Variants in REPS1 observed in about 807,000 individuals in gnomAD.
The protein encoded by REPS1 is RALBP1 associated Eps domain containing 1.
In REPS1, 39 loss-of-function variants were observed where a neutral mutation model predicts 100.9. The observed-to-expected ratio is 0.39, with a 90% CI of 0.30 to 0.50. The LOEUF is 0.50. REPS1 is among the 20% of genes least tolerant of loss of function. The probability of loss-of-function intolerance (pLI) is 0.86; values close to 1 mark genes in which losing one functional copy is unlikely to be tolerated. For missense variants in REPS1, 821 were observed against 968.5 expected, an observed-to-expected ratio of 0.85 and a Z score of 2.02; for synonymous variants, 324 against 340.3, an observed-to-expected ratio of 0.95 and a Z score of 0.53.
At position 138,945,288 on chromosome 6, in the gene REPS1, C is replaced by T. The variant is rs774099745; in HGVS notation, c.559G>A (p.Gly187Ser). 2.9e-5 allele frequency: 46 copies of T among 1,611,604 alleles called. No homozygotes were observed. Among genetic ancestry groups the T allele is most frequent in the Admixed American group, 6.7e-5 (4 of 59,884 alleles). The change falls in exon 4 of 20, where the codon GGT (glycine) becomes AGT (serine). Residue 187 changes from glycine (G) to serine (S), a missense_variant. Around this residue, in one of 3 missense-constraint regions of REPS1, gnomAD observed 757 missense variants for 866.4 expected, o/e 0.87. Transcript: ENST00000450536. ...GCGAGAGGCCTCTCACTATTCCCAC[C>T]GCTGGGATGACGGCTGTGCTTCCTC... ...TWRKHSRHPS[G>S]GNSERPLAGP...
chr6:138,906,948 G>T (rs1779691856), intron 19 of REPS1, among the ~76,000 whole-genome samples: 1 of 152,162 alleles, frequency 6.6e-6, no homozygotes, highest in African/African-American at 2.4e-5. Flanking sequence ...GAAGGAGTAA[G>T]TAAGAGTAAT....
chr6:138,946,301 C>A (rs1234201321), intron 2 of REPS1, among the ~76,000 whole-genome samples: 2 of 152,180 alleles, frequency 1.3e-5, no homozygotes, highest in South Asian at 2.1e-4. Context: ...CCACTGTAGT[C>A]TGGCTTATGT....
At chr6:138,929,306 T>C (rs1476186160) in intron 9 of REPS1, 2 of 152,234 alleles carry the variant, frequency 1.3e-5, no homozygotes, top group East Asian at 1.9e-4. Flanking sequence ...CCTCAGGTCC[T>C]CTTCCCTTAT....
intron 1 of REPS1, among the ~76,000 whole-genome samples, chr6:138,969,269 ATTTTTTTTTTTTTTTTTTTTTTT>A (rs71013004): frequency 3.2e-4 from 24 of 74,250 alleles, no homozygotes; most frequent in African/African-American, 1.1e-3. Context: ...CAAAGCTGTA[ATTTTTTTTTTTTTTTTTTTTTTT>A]TTTTTGAGAT....
At position 138,974,769 on chromosome 6, in the gene REPS1, C is replaced by G. The variant is rs577499584; in HGVS notation, c.153+12761G>C. Among the ~76,000 whole-genome samples the G allele has an allele frequency of 2.0e-5, 3 of 152,122 alleles. No homozygotes were observed. In the South Asian group the frequency reaches 6.2e-4, roughly 32 times the overall value. ...ATTTCAAATATACAGACTTTAAGGC[C>G]GGACATGGTGGTTCACGCCTGTAAT... On this transcript the variant is annotated intron_variant, in intron 1 of 19. Transcript: ENST00000450536.
intron 1 of REPS1, among the ~76,000 whole-genome samples, chr6:138,973,567 C>A (rs1191325196): frequency 8.5e-6 from 1 of 118,006 alleles, no homozygotes; most frequent in Admixed American, 7.7e-5. Flanking sequence ...AATACACAAG[C>A]GTGTCAGAAA....
intron 1 of REPS1, among the ~76,000 whole-genome samples, chr6:138,985,924 C>T (rs1785233619): frequency 6.6e-6 from 1 of 152,142 alleles, no homozygotes; most frequent in Admixed American, 6.5e-5. Context: ...ACAGAGAAGG[C>T]TTTTCCTTAA....
intron 1 of REPS1, among the ~76,000 whole-genome samples, chr6:138,986,366 A>G (rs1262560859): frequency 2.0e-5 from 3 of 152,352 alleles, no homozygotes; most frequent in East Asian, 1.9e-4. Flanking sequence ...GTTAATGCAG[A>G]CTTAACTTCT....
chr6:138,942,916 G>A (rs1374269830), intron 7 of REPS1, among the ~76,000 whole-genome samples: 2 of 151,226 alleles, frequency 1.3e-5, no homozygotes, highest in East Asian at 2.0e-4. Flanking sequence ...CACCATGCCC[G>A]GCTAATTTTT....
chr6:138,943,364 A>T, intron 7 of REPS1, 149 bp downstream of exon 7: 1 of 510,300 alleles, frequency 2.0e-6, no homozygotes, highest in Non-Finnish European at 3.5e-6. Flanking sequence ...GCAGAATAAG[A>T]GAGAAGCTGG....
intron 1 of REPS1, among the ~76,000 whole-genome samples, chr6:138,986,704 C>A (rs1322908043): frequency 6.6e-6 from 1 of 152,204 alleles, no homozygotes; most frequent in Non-Finnish European, 1.5e-5. Flanking sequence ...AGCTATGAAT[C>A]ATTAAACAGA....
intron 1 of REPS1, among the ~76,000 whole-genome samples, chr6:138,979,180 C>CAAAAAAAAAAAAAA (rs568626153): frequency 7.4e-4 from 44 of 59,282 alleles, no homozygotes; most frequent in East Asian, 1.4e-3. Context: ...GAATCCATCA[C>CAAAAAAAAAAAAAA]AAAAAAAAAA....
intron 14 of REPS1, chr6:138,915,293 CA>C (rs1366681143): frequency 6.6e-6 from 1 of 150,798 alleles, no homozygotes; most frequent in African/African-American, 2.5e-5. Context: ...CCCACCCCCC[CA>C]ACCCCTTAAT....
At chr6:138,921,593 T>TC (rs1780764271) in intron 10 of REPS1, among the ~76,000 whole-genome samples, 1 of 143,426 alleles carries the variant, frequency 7.0e-6, no homozygotes, top group Admixed American at 6.9e-5. Context: ...TTTTTTTTTT[T>TC]TGAGATGGAG....
chr6:138,942,899 C>A (rs1227028987), intron 7 of REPS1, among the ~76,000 whole-genome samples: 1 of 152,002 alleles, frequency 6.6e-6, no homozygotes, highest in Non-Finnish European at 1.5e-5. Flanking sequence ...GGATTACAGG[C>A]ATGTGCCACC....
intron 15 of REPS1, among the ~76,000 whole-genome samples, chr6:138,913,843 C>G (rs1344047633): frequency 6.6e-6 from 1 of 152,176 alleles, no homozygotes; most frequent in Non-Finnish European, 1.5e-5. Flanking sequence ...TTTGGAATAC[C>G]TTTTCCCCAA....
intron 1 of REPS1, among the ~76,000 whole-genome samples, chr6:138,969,269 ATTTTTTTTTTTTT>A (rs71013004): frequency 1.2e-3 from 88 of 74,252 alleles, no homozygotes; most frequent in African/African-American, 4.0e-3. Context: ...CAAAGCTGTA[ATTTTTTTTTTTTT>A]TTTTTTTTTT....
rs956645609 is a variant in REPS1, at chr6:138,911,471, G to C, written c.1972-100C>G. 6.0e-6 allele frequency: 5 copies of C among 836,080 alleles called. No individual in the cohort carries two copies. In the African/African-American group the frequency reaches 8.7e-5, roughly 15 times the overall value. The allele number at this position is 836,080 out of a possible 1,614,324, so 51.8% of individuals were successfully genotyped here. The stretch of plus-strand genomic sequence containing the variant: ...ATCAGAATAAAATGTTAAATATTCT[G>C]ACAAGAAAACTGAGATGATGATAAG... On this transcript the variant is annotated intron_variant, in intron 16 of 19. Coordinates refer to ENST00000450536, the MANE Select transcript of REPS1 (RefSeq NM_001286611.2).
At chr6:138,916,429 C>G (rs577614104) in intron 13 of REPS1, among the ~76,000 whole-genome samples, 10 of 151,764 alleles carry the variant, frequency 6.6e-5, no homozygotes, top group African/African-American at 2.4e-4. Flanking sequence ...CCATGTTGGC[C>G]AGGCTGGTCT....
Sources: gnomAD v4.1 joint callset for allele counts (sites outside exome capture counted in the v4.1 genomes callset) on GRCh38, gnomAD v4.1.1 for gene constraint, gnomAD v4.1.1 regional missense constraint, MANE v1.5 for transcripts, NCBI Gene and HGNC (gene_info 2026-07-23, HGNC 2026-07-21) for gene names.